Variants in TRPM3 observed in about 807,000 individuals in gnomAD.
TRPM3 encodes the protein long transient receptor potential channel 3.
In TRPM3, 77 loss-of-function variants were observed where a neutral mutation model predicts 181.2. The observed-to-expected ratio is 0.42, with a 90% CI of 0.35 to 0.51. TRPM3 has a LOEUF of 0.51. Among genes scored for constraint, TRPM3 ranks in the 20% least tolerant of loss-of-function variants. The pLI is 0.01. For synonymous variants in TRPM3, 745 were observed against 796.4 expected (o/e 0.94, Z 1.09); for missense variants, 1,759 against 2,196.7 (o/e 0.80, Z 3.98).
chr9:71,310,269 G>T (rs760132578), intron 1 of TRPM3, among the ~76,000 whole-genome samples: 2 of 151,470 alleles, frequency 1.3e-5, no homozygotes, highest in Non-Finnish European at 2.9e-5. Context: ...TGTCTCTCTA[G>T]CAGTCAGGAA....
chr9:71,189,755 C>T (rs946705776), intron 1 of TRPM3, among the ~76,000 whole-genome samples: 2 of 151,838 alleles, frequency 1.3e-5, no homozygotes, highest in African/African-American at 4.8e-5. Flanking sequence ...TTCCTTCCCA[C>T]AACACTCTGT....
chr9:70,896,889 G>A (rs1477654810), intron 1 of TRPM3, among the ~76,000 whole-genome samples: 1 of 142,980 alleles, frequency 7.0e-6, no homozygotes, highest in African/African-American at 2.6e-5. Context: ...AGTCAGAGCA[G>A]CACAAAGAAC....
Position 70,535,485 on chromosome 9 carries a change from AAAG to A in TRPM3, c.*465_*467del. On this transcript the variant is annotated 3_prime_UTR_variant, in exon 26 of 26. Transcript: ENST00000677713. The stretch of plus-strand genomic sequence containing the variant: ...GTCACCAGTGATGGAGCCAATGTGA[AAAG>A]AAAACAGAATGGAAGTTTAGAATAT... 1 of 1,550,532 alleles carries A rather than the reference AAAG, an allele frequency of 6.4e-7. No homozygotes were observed. Among genetic ancestry groups the A allele is most frequent in the Non-Finnish European group, 8.7e-7 (1 of 1,146,994 alleles).
chr9:71,250,377 T>C (rs929663400), intron 1 of TRPM3, among the ~76,000 whole-genome samples: 8 of 152,204 alleles, frequency 5.3e-5, no homozygotes, highest in Non-Finnish European at 1.2e-4. Context: ...TATGAATTCA[T>C]TTATTTACAT....
chr9:71,188,156 C>T (rs2077797547), intron 1 of TRPM3, among the ~76,000 whole-genome samples: 1 of 151,724 alleles, frequency 6.6e-6, no homozygotes, highest in Non-Finnish European at 1.5e-5. Context: ...TCCTAAATAA[C>T]ACTTTTGCTT....
At chr9:70,755,586 C>T (rs1479804262) in intron 8 of TRPM3, among the ~76,000 whole-genome samples, 2 of 152,056 alleles carry the variant, frequency 1.3e-5, no homozygotes, top group East Asian at 3.9e-4. Context: ...AGGCTGGTCT[C>T]GAACTCCTGA....
chr9:70,625,645 G>C lies in TRPM3; in HGVS notation c.1633-128C>G. On this transcript the variant is annotated intron_variant, in intron 12 of 25. Transcript: ENST00000677713. This position sits in a 1 kb window ranked among gnomAD's most constrained non-coding sequence, Gnocchi z 4.8. ...CCAGTGTAGAAGAAAGAAACACAAGGCTAGACAGGGCAAATGCTATCACTC... is the reference window on the plus strand; with the variant it reads ...CCAGTGTAGAAGAAAGAAACACAAGCCTAGACAGGGCAAATGCTATCACTC... The C allele has an allele frequency of 5.6e-6, 5 of 888,940 alleles. No homozygotes were observed. The highest frequency in any genetic ancestry group is 4.6e-4 in the Middle Eastern group (2 of 4,390). The allele number at this position is 888,940 out of a possible 1,614,324, so 55.1% of individuals were successfully genotyped here. A position where few individuals can be genotyped will look rare whatever the true frequency, so the allele number is the denominator to read the frequency against.
chr9:70,758,365 T>C (rs1391782274), intron 8 of TRPM3, among the ~76,000 whole-genome samples: 1 of 152,196 alleles, frequency 6.6e-6, no homozygotes. Flanking sequence ...TCCATGCTCA[T>C]GGATAGGAAG....
intron 19 of TRPM3, among the ~76,000 whole-genome samples, chr9:70,609,177 T>TAA (rs1460308599): frequency 1.3e-5 from 2 of 152,176 alleles, no homozygotes; most frequent in East Asian, 3.9e-4. Flanking sequence ...AAGGGGAAAT[T>TAA]AAGTTGTTTG....
At chr9:71,016,139 CAA>C (rs58566593) in intron 1 of TRPM3, among the ~76,000 whole-genome samples, 5,093 of 117,146 alleles carry the variant, frequency 0.043, 123 homozygotes, top group East Asian at 0.098. Context: ...GACTCCCTCT[CAA>C]AAAAAAAAAA....
chr9:71,052,838 A>G (rs2060210027), intron 1 of TRPM3, among the ~76,000 whole-genome samples: 1 of 152,108 alleles, frequency 6.6e-6, no homozygotes, highest in African/African-American at 2.4e-5. Flanking sequence ...CACCAAGTAA[A>G]ATTAACTTCC....
chr9:70,750,859 G>A (rs1426140755), intron 8 of TRPM3, among the ~76,000 whole-genome samples: 5 of 152,126 alleles, frequency 3.3e-5, no homozygotes, highest in Non-Finnish European at 5.9e-5. Flanking sequence ...AGACATCCAA[G>A]CGCAAGCTGT....
chr9:71,440,591 C>T (rs578003649), intron 1 of TRPM3, among the ~76,000 whole-genome samples: 7 of 152,336 alleles, frequency 4.6e-5, no homozygotes, highest in Middle Eastern at 3.4e-3. Flanking sequence ...ACTACTTTAA[C>T]CTTTGCTCCA....
Position 70,594,289 on chromosome 9 carries a change from G to GTAT in TRPM3, c.3049-3087_3049-3085dup, listed in dbSNP as rs149863072. ...TGGTAAGTTCTCCATAAATGTTAAT[G>GTAT]TATTATTATTATTAGAGTTGGAAGG... On this transcript the variant is annotated intron_variant, in intron 21 of 25. Coordinates refer to ENST00000677713, the MANE Select transcript of TRPM3 (RefSeq NM_001366145.2). 4.8e-3 allele frequency among the ~76,000 whole-genome samples: 732 copies of GTAT among 152,074 alleles called. 4 individuals are homozygous for GTAT. Among genetic ancestry groups the GTAT allele is most frequent in the African/African-American group, 0.017 (690 of 41,496 alleles).
At chr9:70,803,325 T>A (rs1436127405) in intron 6 of TRPM3, among the ~76,000 whole-genome samples, 2 of 152,120 alleles carry the variant, frequency 1.3e-5, no homozygotes, top group African/African-American at 2.4e-5. Context: ...CCAGACAGTG[T>A]TGAAGGAAAC....
intron 1 of TRPM3, among the ~76,000 whole-genome samples, chr9:71,387,246 T>A (rs1326796659): frequency 6.6e-6 from 1 of 152,174 alleles, no homozygotes; most frequent in Admixed American, 6.6e-5. Context: ...AACCACTGCA[T>A]TGAAGACCAA....
At chr9:71,434,387 G>A (rs2094001930) in intron 1 of TRPM3, among the ~76,000 whole-genome samples, 1 of 152,022 alleles carries the variant, frequency 6.6e-6, no homozygotes, top group Non-Finnish European at 1.5e-5. Flanking sequence ...TAGGAAGCAG[G>A]CCTTCACCCT....
At chr9:71,048,966 T>A (rs1357518861) in intron 1 of TRPM3, among the ~76,000 whole-genome samples, 1 of 152,220 alleles carries the variant, frequency 6.6e-6, no homozygotes, top group Non-Finnish European at 1.5e-5. Flanking sequence ...TATTATGAGA[T>A]GAAAGCAGGT....
At chr9:71,387,501 G>C (rs1162257595) in intron 1 of TRPM3, among the ~76,000 whole-genome samples, 1 of 152,072 alleles carries the variant, frequency 6.6e-6, no homozygotes, top group Non-Finnish European at 1.5e-5. Context: ...GAGATTTCTT[G>C]AAGTATAATA....
Sources: gnomAD v4.1 joint callset for allele counts (sites outside exome capture counted in the v4.1 genomes callset) on GRCh38, gnomAD v4.1.1 for gene constraint, Gnocchi (gnomAD v3.1) non-coding constraint, MANE v1.5 for transcripts, NCBI Gene and HGNC (gene_info 2026-07-23, HGNC 2026-07-21) for gene names.